The following STK32B variants were observed in gnomAD, a reference collection of about 807,000 sequenced individuals.
The protein encoded by STK32B is serine/threonine-protein kinase 32B.
A neutral mutation model predicts 52.6 loss-of-function variants in STK32B; 43 were observed. That is an observed-to-expected ratio of 0.82 (90% CI 0.64 to 1.05). STK32B has a LOEUF of 1.05. Among genes scored for constraint, STK32B ranks in the 50% least tolerant of loss-of-function variants. STK32B has a pLI of 0.00. For missense variants in STK32B, 621 were observed against 534.6 expected, an observed-to-expected ratio of 1.16 and a Z score of -1.59; for synonymous variants, 238 against 204.3, an observed-to-expected ratio of 1.17 and a Z score of -1.41.
chr4:5,360,070 A>T (rs143106300), intron 4 of STK32B, among the ~76,000 whole-genome samples: 1 of 152,300 alleles, frequency 6.6e-6, no homozygotes, highest in Non-Finnish European at 1.5e-5. Flanking sequence ...CCTACAGGTG[A>T]TGAGAAGGCA....
chr4:5,120,618 A>G (rs1040671656), intron 1 of STK32B, among the ~76,000 whole-genome samples: 1 of 152,202 alleles, frequency 6.6e-6, no homozygotes, highest in African/African-American at 2.4e-5. Context: ...CCCTTGGATA[A>G]GGTGGAAATA....
intron 4 of STK32B, among the ~76,000 whole-genome samples, chr4:5,382,713 T>G (rs1251042356): frequency 6.6e-6 from 1 of 152,226 alleles, no homozygotes; most frequent in Non-Finnish European, 1.5e-5. Flanking sequence ...ATTTGGAAAT[T>G]GATCATGTTT....
chr4:5,178,337 C>T (rs1009177742), intron 3 of STK32B, among the ~76,000 whole-genome samples: 4 of 152,208 alleles, frequency 2.6e-5, no homozygotes, highest in African/African-American at 4.8e-5. Context: ...CACAGGTCAC[C>T]AGCTTTCAAG....
chr4:5,102,464 C>G (rs895322003), intron 1 of STK32B, among the ~76,000 whole-genome samples: 14 of 127,894 alleles, frequency 1.1e-4, no homozygotes, highest in African/African-American at 4.2e-4. Flanking sequence ...TTCCTTCCTT[C>G]CTTCCTTCCT....
chr4:5,329,021 A>C (rs1021099848), intron 3 of STK32B, among the ~76,000 whole-genome samples: 1 of 152,172 alleles, frequency 6.6e-6, no homozygotes, highest in African/African-American at 2.4e-5. Context: ...AATAATAAAA[A>C]CTTTCTGGGC....
chr4:5,340,991 T>C (rs866357055), intron 4 of STK32B, among the ~76,000 whole-genome samples: 2 of 152,340 alleles, frequency 1.3e-5, no homozygotes, highest in Middle Eastern at 3.4e-3. Context: ...TGGCAGGTCA[T>C]GGAACCCTGG....
At chr4:5,422,452 C>T (rs1560398402) in intron 6 of STK32B, among the ~76,000 whole-genome samples, 4 of 151,836 alleles carry the variant, frequency 2.6e-5, no homozygotes, top group Admixed American at 6.6e-5. Context: ...AAGATGATCC[C>T]GGAAGAAAAA....
At chr4:5,195,239 C>T (rs1196339865) in intron 3 of STK32B, among the ~76,000 whole-genome samples, 5 of 152,032 alleles carry the variant, frequency 3.3e-5, no homozygotes, top group African/African-American at 4.8e-5. Flanking sequence ...TTTGATTTGC[C>T]AATATATTCT....
chr4:5,202,634 C>A (rs1722244741), intron 3 of STK32B, among the ~76,000 whole-genome samples: 1 of 152,248 alleles, frequency 6.6e-6, no homozygotes, highest in African/African-American at 2.4e-5. Flanking sequence ...TTCCATACAT[C>A]CTCTGAAATC....
chr4:5,316,848 TATATTATATATATTATATATTATATATA>T (rs1730895407), intron 3 of STK32B, among the ~76,000 whole-genome samples: 3 of 1,306 alleles, frequency 2.3e-3, no homozygotes, highest in Admixed American at 0.017. Context: ...TTATATATAA[TATATTATATATATTATATATTATATATA>T]ATATATTATA....
intron 1 of STK32B, among the ~76,000 whole-genome samples, chr4:5,056,290 G>A (rs759730870): frequency 2.0e-5 from 3 of 152,174 alleles, no homozygotes; most frequent in South Asian, 4.1e-4. Context: ...TGCCAAAAAG[G>A]TTGGGGACCA....
chr4:5,297,122 TG>T (rs1177675974), intron 3 of STK32B, among the ~76,000 whole-genome samples: 1 of 152,212 alleles, frequency 6.6e-6, no homozygotes, highest in Non-Finnish European at 1.5e-5. Context: ...TCGTCTGTCT[TG>T]TAGGGTTTCC....
At chr4:5,192,461 T>TAC (rs990401182) in intron 3 of STK32B, among the ~76,000 whole-genome samples, 1 of 152,186 alleles carries the variant, frequency 6.6e-6, no homozygotes, top group Non-Finnish European at 1.5e-5. Flanking sequence ...TCATAACATT[T>TAC]ACACACACAC....
intron 2 of STK32B, among the ~76,000 whole-genome samples, chr4:5,152,680 C>T (rs1269735218): frequency 6.6e-6 from 1 of 152,262 alleles, no homozygotes; most frequent in East Asian, 1.9e-4. Context: ...CAGTGGAGGG[C>T]TGCCCGTGCA....
At chr4:5,456,962 A>G (rs1429008094) in intron 8 of STK32B, 39 bp downstream of exon 8, 16 of 1,444,346 alleles carry the variant, frequency 1.1e-5, no homozygotes, top group African/African-American at 4.3e-5. Flanking sequence ...CCAGGGAGCT[A>G]CGGTGAGTGT....
rs115442710 is a variant in STK32B, at chr4:5,163,130, T to C, written c.109-5169T>C. ...CCAGGGAAGCATTGAGGTCAGGCAG[T>C]AGCGGGTAAGGAGTGGGACAGGAGA... On this transcript the variant is annotated intron_variant, in intron 2 of 11. Transcript: ENST00000282908. Among the ~76,000 whole-genome samples the C allele has an allele frequency of 3.9e-3, 596 of 152,236 alleles. 4 individuals are homozygous for C. The highest frequency in any genetic ancestry group is 0.014 in the African/African-American group (578 of 41,536).
intron 9 of STK32B, among the ~76,000 whole-genome samples, chr4:5,463,537 C>T (rs57527357): frequency 1.3e-5 from 2 of 152,012 alleles, no homozygotes; most frequent in African/African-American, 2.4e-5. Context: ...CATATGCACA[C>T]GTGCCCCCAC....
intron 1 of STK32B, among the ~76,000 whole-genome samples, chr4:5,083,135 C>G (rs1010395116): frequency 6.6e-6 from 1 of 152,140 alleles, no homozygotes; most frequent in Non-Finnish European, 1.5e-5. Context: ...ACTTGATTTT[C>G]TAAAGTAGAA....
chr4:5,153,099 C>G (rs920299952), intron 2 of STK32B, among the ~76,000 whole-genome samples: 1 of 152,230 alleles, frequency 6.6e-6, no homozygotes, highest in Non-Finnish European at 1.5e-5. Context: ...TCAAATGTCC[C>G]TCCCAGATAC....
Sources: gnomAD v4.1 joint callset for allele counts (sites outside exome capture counted in the v4.1 genomes callset) on GRCh38, gnomAD v4.1.1 for gene constraint, MANE v1.5 for transcripts, NCBI Gene and HGNC (gene_info 2026-07-23, HGNC 2026-07-21) for gene names.